Variants in DPP10 observed in about 807,000 individuals in gnomAD.
DPP10 encodes the protein inactive dipeptidyl peptidase 10.
In DPP10, 33 loss-of-function variants were observed where a neutral mutation model predicts 120.9. The ratio of observed to expected loss-of-function variants is 0.27; its 90% CI spans 0.21 to 0.37. The LOEUF is 0.37. DPP10 is among the 10% of genes least tolerant of loss of function. The pLI, the probability that DPP10 is intolerant of heterozygous loss-of-function variation, is 1.00. For missense variants in DPP10, 816 were observed against 942.8 expected, an observed-to-expected ratio of 0.87 and a Z score of 1.76; for synonymous variants, 337 against 326.1, an observed-to-expected ratio of 1.03 and a Z score of -0.36.
chr2:115,727,949 GAT>G lies in DPP10; in HGVS notation c.697+14_697+15del. ...TGGTTATATGAAGGTGAGTTGATCA[GAT>G]TTAGTTTCAAAGGAAACAAATGACA... On this transcript the variant is annotated intron_variant, in intron 8 of 25. Transcript: ENST00000410059. The G allele has an allele frequency of 6.3e-7, 1 of 1,588,158 alleles. No individual in the cohort carries two copies. Among genetic ancestry groups the G allele is most frequent in the Non-Finnish European group, 8.5e-7 (1 of 1,171,818 alleles).
intron 5 of DPP10, among the ~76,000 whole-genome samples, chr2:115,612,390 T>C (rs542424813): frequency 2.1e-4 from 32 of 152,326 alleles, no homozygotes; most frequent in Admixed American, 2.6e-4. Context: ...TGTAAGTTTC[T>C]AATCAACTAT....
rs1024358967 is a variant in DPP10, at chr2:114,829,512, C to T, written c.60+386674C>T. 2.7e-5 allele frequency among the ~76,000 whole-genome samples: 4 copies of T among 149,840 alleles called. No individual in the cohort carries two copies. The East Asian group carries it at 6.1e-4, about 23-fold the overall frequency. On this transcript the variant is annotated intron_variant, in intron 1 of 25. Transcript: ENST00000410059. ...AATTCTCCCGCCTAAGCCTCACAGG[C>T]GCCTGCCACTACACTCAGCTAATTT...
chr2:114,821,591 A>G (rs1686090648), intron 1 of DPP10, among the ~76,000 whole-genome samples: 1 of 152,184 alleles, frequency 6.6e-6, no homozygotes, highest in Admixed American at 6.5e-5. Context: ...GTTCGAGTCC[A>G]AAGTCTCATC....
chr2:115,375,491 T>C (rs1179054811), intron 3 of DPP10, among the ~76,000 whole-genome samples: 1 of 152,220 alleles, frequency 6.6e-6, no homozygotes, highest in African/African-American at 2.4e-5. Context: ...TCCTTTCTTC[T>C]TCTGACCCCT....
chr2:115,256,605 A>G (rs1454419047), intron 1 of DPP10, among the ~76,000 whole-genome samples: 1 of 152,170 alleles, frequency 6.6e-6, no homozygotes, highest in Non-Finnish European at 1.5e-5. Flanking sequence ...CTTTGATGGG[A>G]GTGGATACCT....
chr2:114,901,699 T>G (rs1275330037), intron 1 of DPP10, among the ~76,000 whole-genome samples: 20 of 152,188 alleles, frequency 1.3e-4, no homozygotes, highest in Non-Finnish European at 1.5e-5. Flanking sequence ...GACTAAAGAA[T>G]TAAAATTGAA....
At chr2:114,685,055 T>C (rs1699274574) in intron 1 of DPP10, among the ~76,000 whole-genome samples, 1 of 152,022 alleles carries the variant, frequency 6.6e-6, no homozygotes, top group Non-Finnish European at 1.5e-5. Context: ...ATGAACTTTC[T>C]GCATCGTCTG....
chr2:114,625,296 C>T (rs1694425567), intron 1 of DPP10, among the ~76,000 whole-genome samples: 1 of 151,822 alleles, frequency 6.6e-6, no homozygotes, highest in Admixed American at 6.6e-5. Context: ...ATCTTCTAGC[C>T]CCAATACTTT....
chr2:115,118,585 T>C (rs2049651563), intron 1 of DPP10, among the ~76,000 whole-genome samples: 1 of 152,110 alleles, frequency 6.6e-6, no homozygotes, highest in Non-Finnish European at 1.5e-5. Context: ...TGTTTTTTGT[T>C]TCTTGTTTTG....
At chr2:115,459,149 T>C (rs1354663543) in intron 3 of DPP10, among the ~76,000 whole-genome samples, 1 of 152,016 alleles carries the variant, frequency 6.6e-6, no homozygotes, top group East Asian at 1.9e-4. Flanking sequence ...AGTTTTCATC[T>C]TGTGAGTTTG....
At chr2:115,437,472 A>G (rs1184421575) in intron 3 of DPP10, among the ~76,000 whole-genome samples, 3 of 152,028 alleles carry the variant, frequency 2.0e-5, no homozygotes, top group Non-Finnish European at 2.9e-5. Flanking sequence ...AAATGATTAA[A>G]AGAGGAACTT....
At chr2:115,838,983 A>G (rs1346881363) in intron 24 of DPP10, among the ~76,000 whole-genome samples, 3 of 152,240 alleles carry the variant, frequency 2.0e-5, no homozygotes, top group African/African-American at 7.2e-5. Flanking sequence ...TAAACAGACA[A>G]ATAGCAACAA....
chr2:114,962,751 G>A (rs943040575), intron 1 of DPP10, among the ~76,000 whole-genome samples: 1 of 152,136 alleles, frequency 6.6e-6, no homozygotes, highest in African/African-American at 2.4e-5. Context: ...ACATAAATGT[G>A]GAGCGAAAGG....
At chr2:115,774,458 G>A (rs1000275217) in intron 13 of DPP10, among the ~76,000 whole-genome samples, 7 of 151,996 alleles carry the variant, frequency 4.6e-5, no homozygotes, top group African/African-American at 1.2e-4. Context: ...CAAGAAAGAG[G>A]AGCTATCCAC....
chr2:115,421,491 A>G (rs566168245), intron 3 of DPP10, among the ~76,000 whole-genome samples: 1 of 152,290 alleles, frequency 6.6e-6, no homozygotes, highest in African/African-American at 2.4e-5. Context: ...ATTAATTTGT[A>G]TCTATTAGAC....
chr2:115,425,621 A>G (rs900819720), intron 3 of DPP10, among the ~76,000 whole-genome samples: 3 of 152,220 alleles, frequency 2.0e-5, no homozygotes, highest in Non-Finnish European at 2.9e-5. Flanking sequence ...CACATGTAGT[A>G]TATGTTGAAA....
At chr2:114,501,471 C>T (rs1683175240) in intron 1 of DPP10, among the ~76,000 whole-genome samples, 1 of 151,996 alleles carries the variant, frequency 6.6e-6, no homozygotes, top group Non-Finnish European at 1.5e-5. Context: ...CTCCCTGGGA[C>T]CTAAAAAGCA....
chr2:114,697,045 A>T (rs1389183333), intron 1 of DPP10, among the ~76,000 whole-genome samples: 1 of 152,068 alleles, frequency 6.6e-6, no homozygotes, highest in Non-Finnish European at 1.5e-5. Flanking sequence ...GCTATTGACA[A>T]TGCAAAAGGT....
At chr2:115,312,467 C>G (rs1023581692) in intron 2 of DPP10, among the ~76,000 whole-genome samples, 3 of 152,034 alleles carry the variant, frequency 2.0e-5, no homozygotes, top group African/African-American at 7.2e-5. Flanking sequence ...CCTGGAAGAA[C>G]TTTTAGAAAT....
Sources: allele counts gnomAD v4.1 joint callset (sites outside exome capture counted in the v4.1 genomes callset), GRCh38; gene constraint gnomAD v4.1.1; transcripts MANE v1.5; gene names NCBI Gene and HGNC (gene_info 2026-07-23, HGNC 2026-07-21).